AFG2A: variants seen among roughly 807,000 people sequenced by gnomAD.
AFG2A encodes AAA ATPase AFG2A, also known as ATPase family gene 2 protein homolog A.
the AFG2A span, among the ~76,000 whole-genome samples, chr4:123,001,978 C>A: frequency 5.9e-5 from 9 of 152,178 alleles, no homozygotes; most frequent in Admixed American, 3.9e-4. Context: ...CTTTATGAAT[C>A]TGGGTGCTCT....
the AFG2A span, among the ~76,000 whole-genome samples, chr4:123,261,133 T>G: frequency 6.6e-6 from 1 of 152,194 alleles, no homozygotes; most frequent in Non-Finnish European, 1.5e-5. Flanking sequence ...AACCAGTCCC[T>G]GGTCCCAAAA....
the AFG2A span, among the ~76,000 whole-genome samples, chr4:123,287,797 A>G: frequency 6.6e-6 from 1 of 152,148 alleles, no homozygotes; most frequent in Non-Finnish European, 1.5e-5. Flanking sequence ...GGGAAGGAGA[A>G]TGGGATTACA....
chr4:122,966,477 T>C, the AFG2A span, among the ~76,000 whole-genome samples: 123,296 of 152,098 alleles, frequency 0.81, 51,727 homozygotes, highest in East Asian at 0.96. Context: ...ATCTCTAAAG[T>C]GCTATGCTCA....
the AFG2A span, among the ~76,000 whole-genome samples, chr4:123,205,988 T>A: frequency 6.6e-6 from 1 of 152,090 alleles, no homozygotes; most frequent in East Asian, 1.9e-4. Context: ...CCCAACCAAT[T>A]TCCTAAAAGC....
the AFG2A span, among the ~76,000 whole-genome samples, chr4:123,019,159 C>T: frequency 6.6e-6 from 1 of 152,020 alleles, no homozygotes; most frequent in Non-Finnish European, 1.5e-5. Flanking sequence ...TTAATTCTCA[C>T]AGTGATCCTG....
chr4:123,084,580 GTA>G, the AFG2A span, among the ~76,000 whole-genome samples: 194 of 132,326 alleles, frequency 1.5e-3, 1 homozygote, highest in Middle Eastern at 0.015. Flanking sequence ...TATGTAAATA[GTA>G]TATATATATG....
At chr4:123,068,148 A>G in the AFG2A span, among the ~76,000 whole-genome samples, 41 of 152,278 alleles carry the variant, frequency 2.7e-4, no homozygotes, top group East Asian at 3.1e-3. Context: ...AAATCATTTC[A>G]TTATGTTAGT....
the AFG2A span, among the ~76,000 whole-genome samples, chr4:123,220,932 C>T: frequency 0.022 from 3,324 of 152,086 alleles, 118 homozygotes; most frequent in African/African-American, 0.075. Context: ...GATACATGAA[C>T]GACATAGGAC....
At chr4:123,041,486 T>A in the AFG2A span, among the ~76,000 whole-genome samples, 7 of 152,000 alleles carry the variant, frequency 4.6e-5, no homozygotes, top group African/African-American at 1.7e-4. Context: ...AGACTATGTA[T>A]AATCTATTAC....
chr4:123,078,193 G>T, the AFG2A span, among the ~76,000 whole-genome samples: 6 of 151,860 alleles, frequency 4.0e-5, no homozygotes, highest in African/African-American at 1.5e-4. Context: ...TTTTCATCTA[G>T]CACATTATCT....
the AFG2A span, among the ~76,000 whole-genome samples, chr4:123,099,710 A>G: frequency 6.6e-6 from 1 of 151,848 alleles, no homozygotes; most frequent in African/African-American, 2.4e-5. Context: ...TTAATTTTTT[A>G]AAATACATTT....
chr4:122,982,864 CTTT>C, the AFG2A span, among the ~76,000 whole-genome samples: 6 of 93,766 alleles, frequency 6.4e-5, no homozygotes, highest in South Asian at 3.7e-4. Context: ...TAATCTTCTT[CTTT>C]TTTTTTTTTT....
chr4:123,042,412 T>C, the AFG2A span, among the ~76,000 whole-genome samples: 2 of 152,122 alleles, frequency 1.3e-5, no homozygotes, highest in Non-Finnish European at 2.9e-5. Context: ...GGCTCCACCC[T>C]CATGAACTAA....
At chr4:123,273,430 C>T in the AFG2A span, among the ~76,000 whole-genome samples, 2 of 151,880 alleles carry the variant, frequency 1.3e-5, no homozygotes, top group East Asian at 3.9e-4. Context: ...ATATGATTCA[C>T]TATATAAAAT....
the AFG2A span, among the ~76,000 whole-genome samples, chr4:122,945,520 T>G: frequency 6.6e-6 from 1 of 152,082 alleles, no homozygotes; most frequent in Non-Finnish European, 1.5e-5. Flanking sequence ...AGGGTGGGAG[T>G]GACCCGATAT....
the AFG2A span, among the ~76,000 whole-genome samples, chr4:122,951,749 G>A: frequency 2.6e-4 from 40 of 152,272 alleles, no homozygotes; most frequent in East Asian, 3.1e-3. Context: ...GTGGATGGCT[G>A]GATGGCTATG....
At chr4:123,079,648 AC>A in the AFG2A span, among the ~76,000 whole-genome samples, 9 of 151,528 alleles carry the variant, frequency 5.9e-5, no homozygotes, top group African/African-American at 1.9e-4. Context: ...TAGGAGTATA[AC>A]CTTCCTATTG....
chr4:123,082,919 G>A, the AFG2A span, among the ~76,000 whole-genome samples: 1 of 151,824 alleles, frequency 6.6e-6, no homozygotes, highest in Non-Finnish European at 1.5e-5. Flanking sequence ...TTTTTGGGGT[G>A]CTAATATAAA....
At chr4:122,938,232 A>T in the AFG2A span, 9 of 1,599,306 alleles carry the variant, frequency 5.6e-6, no homozygotes, top group Admixed American at 1.6e-4. Flanking sequence ...CTTAACACTG[A>T]TGGATGGCAT....
Sources: allele counts gnomAD v4.1 joint callset (sites outside exome capture counted in the v4.1 genomes callset), GRCh38; gene constraint gnomAD v4.1.1; transcripts MANE v1.5; gene names NCBI Gene and HGNC (gene_info 2026-07-23, HGNC 2026-07-21).